SZT2: variants seen among roughly 807,000 people sequenced by gnomAD.
The protein encoded by SZT2 is SZT2 subunit of KICSTOR complex, also known as KICSTOR complex protein SZT2.
Under a neutral mutation model 404.2 loss-of-function variants are expected in SZT2, and 216 were observed. The ratio of observed to expected loss-of-function variants is 0.53; its 90% confidence interval spans 0.48 to 0.60. The LOEUF (loss-of-function observed/expected upper bound fraction) is 0.60, where lower values mean the gene tolerates loss of function less well. Ranked by LOEUF, SZT2 falls within the 20% of genes least tolerant of loss-of-function variation. SZT2 has a pLI of 0.00. For missense variants in SZT2, 3,857 were observed against 4,459.2 expected, an observed-to-expected ratio of 0.86 and a Z score of 3.85; for synonymous variants, 1,693 against 1,749.9, an observed-to-expected ratio of 0.97 and a Z score of 0.81.
chr1:43,439,066 A>G lies in SZT2; in HGVS notation c.6765A>G (p.Thr2255=). The change falls in exon 48 of 72, where the codon ACA becomes ACG. Residue 2255 remains threonine (T), a synonymous_variant. Coordinates refer to ENST00000634258, the MANE Select transcript of SZT2 (RefSeq NM_001365999.1). This position sits in a 1 kb window ranked among gnomAD's most constrained non-coding sequence, Gnocchi z 4.2. The stretch of plus-strand genomic sequence containing the variant: ...TCTTCCTGCACTCTCCCAAGTACAC[A>G]GATAGCAACAGCCGGAACCACTTCC... ...LLIFLHSPKY[T]DSNSRNHFQH... 2 of 1,614,218 alleles carry G rather than the reference A, an allele frequency of 1.2e-6. No individual in the cohort carries two copies. The highest frequency in any genetic ancestry group is 8.5e-7 in the Non-Finnish European group (1 of 1,180,044).
At chr1:43,410,341 A>C (rs1457680841) in intron 4 of SZT2, 1 of 152,132 alleles carries the variant, frequency 6.6e-6, no homozygotes, top group Non-Finnish European at 1.5e-5. Flanking sequence ...TCACGAGGTC[A>C]GGAGTTCAAG....
rs753622828 is a variant in SZT2 at position 43,431,832 on chromosome 1, C to T, written c.5205C>T (p.Thr1735=). 5.6e-6 allele frequency: 9 copies of T among 1,614,108 alleles called. No individual in the cohort carries two copies. Among genetic ancestry groups the T allele is most frequent in the Non-Finnish European group, 7.6e-6 (9 of 1,180,040 alleles). ...AHIHSSPGRS[T]CLRQTLPLSF... ...TCCATAGTTCTCCTGGACGCTCCAC[C>T]TGCCTTCGCCAAACTCTGCCACTGA... Residue 1735 remains threonine (T), a synonymous_variant, in exon 36 of 72, where the codon ACC becomes ACT. Transcript: ENST00000634258.
intron 28 of SZT2, chr1:43,428,815 A>C: frequency 1.1e-5 from 3 of 271,526 alleles, no homozygotes; most frequent in East Asian, 7.5e-5. Flanking sequence ...TCCCCAACCA[A>C]TCTGTGAATT....
At position 43,442,000 on chromosome 1, in the gene SZT2, G is replaced by T; in HGVS notation, c.7743G>T (p.Leu2581Phe). ...TTCTGTCTGTCCTCCCTTTCAATAG[G>T]GGTTCAGAGCCAGAGATCTTCGGCC... ...DTSVRIFEQH[L>F]GSEPEIFGPC... Residue 2581 changes from leucine (L) to phenylalanine (F), a missense_variant and splice_region_variant, in exon 56 of 72, where the codon TTG becomes TTT. Transcript: ENST00000634258. This position sits in a 1 kb window ranked among gnomAD's most constrained non-coding sequence, Gnocchi z 4.8. 6.2e-7 allele frequency: 1 copy of T among 1,611,476 alleles called. No homozygotes were observed. The highest frequency in any genetic ancestry group is 2.2e-5 in the East Asian group (1 of 44,816).
Position 43,448,487 on chromosome 1 carries a change from A to T in SZT2, c.9969+3A>T. 6.2e-7 allele frequency: 1 copy of T among 1,609,060 alleles called. No homozygotes were observed. Among genetic ancestry groups the T allele is most frequent in the Non-Finnish European group, 8.5e-7 (1 of 1,177,462 alleles). ...TTGGGGACATCGACCCCCAGCTGGTAAGGAACTGTGGGCTCCCGAAAGAGC... is the reference window on the plus strand; with the variant it reads ...TTGGGGACATCGACCCCCAGCTGGTTAGGAACTGTGGGCTCCCGAAAGAGC... On this transcript the variant is annotated splice_donor_region_variant and intron_variant, in intron 69 of 71. Transcript: ENST00000634258. The surrounding 1 kb of genome is among the most constrained non-coding windows in gnomAD (Gnocchi z 4.2).
In SZT2 at chr1:43,440,602, G is replaced by A. The variant is rs1654963554; in HGVS notation, c.7344+16G>A. ...GGATATGCTGGTAATGGAAGAAGTG[G>A]TGAAGTGGGCATCTACCTTTCTGCC... On this transcript the variant is annotated intron_variant, in intron 52 of 71. Coordinates refer to ENST00000634258, the MANE Select transcript of SZT2 (RefSeq NM_001365999.1). 4 of 1,564,882 alleles carry A rather than the reference G, an allele frequency of 2.6e-6. No homozygotes were observed. In the African/African-American group the frequency reaches 4.1e-5, roughly 16 times the overall value.
At chr1:43,394,233 G>T (rs1439881779) in intron 1 of SZT2, 3 of 282,170 alleles carry the variant, frequency 1.1e-5, no homozygotes, top group Non-Finnish European at 1.6e-5. Context: ...TTTTGAGATG[G>T]AGTCTTGCTC....
Position 43,452,008 on chromosome 1 carries a change from G to A in SZT2, c.*1528G>A. 1 of 1,607,508 alleles carries A rather than the reference G, an allele frequency of 6.2e-7. No individual in the cohort carries two copies. The highest frequency in any genetic ancestry group is 8.5e-7 in the Non-Finnish European group (1 of 1,175,890). On this transcript the variant is annotated 3_prime_UTR_variant, in exon 72 of 72. Coordinates refer to ENST00000634258, the MANE Select transcript of SZT2 (RefSeq NM_001365999.1). ...TGATGGGCTCCAGCAGTCCCACGAGGTCCTCCTAGCAGCATGTCGGGTGCT... is the reference window on the plus strand; with the variant it reads ...TGATGGGCTCCAGCAGTCCCACGAGATCCTCCTAGCAGCATGTCGGGTGCT...
chr1:43,451,768 C>A lies in SZT2; in HGVS notation c.*1288C>A. 6.2e-7 allele frequency: 1 copy of A among 1,614,036 alleles called. No individual in the cohort carries two copies. Among genetic ancestry groups the A allele is most frequent in the Non-Finnish European group, 8.5e-7 (1 of 1,179,918 alleles). ...AGACCCCGCAGGCCCCGCCCTCCTT[C>A]CGATCTGCGAAGTACCCCCTTCCAC... On this transcript the variant is annotated 3_prime_UTR_variant, in exon 72 of 72. Coordinates refer to ENST00000634258, the MANE Select transcript of SZT2 (RefSeq NM_001365999.1).
rs749314293 is a variant in SZT2, at chr1:43,424,857, A to C, written c.2545A>C (p.Ile849Leu). 6.2e-7 allele frequency: 1 copy of C among 1,613,862 alleles called. No homozygotes were observed. The highest frequency in any genetic ancestry group is 1.3e-5 in the African/African-American group (1 of 74,896). The change falls in exon 17 of 72, where the codon ATT becomes CTT. Residue 849 changes from isoleucine (I) to leucine (L), a missense_variant. Around this residue, in one of 7 missense-constraint regions of SZT2, gnomAD observed 1,725 missense variants for 1,881.0 expected, o/e 0.92. Coordinates refer to ENST00000634258, the MANE Select transcript of SZT2 (RefSeq NM_001365999.1). This position sits in a 1 kb window ranked among gnomAD's most constrained non-coding sequence, Gnocchi z 4.1. ...CATCAACATGGTTCTGGAGCTTCCAATTCAGGTACGTGCCATCCCCCATGA... is the reference window on the plus strand; with the variant it reads ...CATCAACATGGTTCTGGAGCTTCCACTTCAGGTACGTGCCATCCCCCATGA... ...GIINMVLELP[I>L]QNEPPGQAAA...
rs1234147590 is a variant in SZT2, at chr1:43,416,621, G to A, written c.859G>A (p.Val287Met). The A allele has an allele frequency of 6.3e-7, 1 of 1,597,960 alleles. No individual in the cohort carries two copies. The highest frequency in any genetic ancestry group is 1.1e-5 in the South Asian group (1 of 90,884). The change falls in exon 7 of 72, where the codon GTG becomes ATG. Residue 287 changes from valine to methionine, a missense_variant. Around this residue, in one of 7 missense-constraint regions of SZT2, gnomAD observed 536 missense variants for 637.4 expected, o/e 0.84. Coordinates refer to ENST00000634258, the MANE Select transcript of SZT2 (RefSeq NM_001365999.1). Reference sequence around the variant, plus strand: ...GCTGAACCAGCTTCGCAGTGGCACTGTGGCTTGTTCCTTTGTCCAGGTGAG... The same window carrying A: ...GCTGAACCAGCTTCGCAGTGGCACTATGGCTTGTTCCTTTGTCCAGGTGAG... ...TLLNQLRSGT[V>M]ACSFVQVGGV...
In SZT2 at chr1:43,430,425, G is replaced by T. The variant is rs770845833; in HGVS notation, c.4480+36G>T. ...AAGTGAGTCAAGGTGGGGAAGGCTGGCTGCTTCACGCCGAGATTCAAGGGT... is the reference window on the plus strand; with the variant it reads ...AAGTGAGTCAAGGTGGGGAAGGCTGTCTGCTTCACGCCGAGATTCAAGGGT... On this transcript the variant is annotated intron_variant, in intron 31 of 71. Transcript: ENST00000634258. 16 of 1,602,624 alleles carry T rather than the reference G, an allele frequency of 1.0e-5. No homozygotes were observed. In the South Asian group the frequency reaches 1.7e-4, roughly 17 times the overall value.
At chr1:43,435,774 A>G (rs1409634021) in intron 42 of SZT2, 1 of 158,182 alleles carries the variant, frequency 6.3e-6, no homozygotes, top group Non-Finnish European at 1.4e-5. Context: ...TGAAGAATAC[A>G]GAAGAGGAGA....
At chr1:43,397,167 A>G (rs1649092827) in intron 1 of SZT2, among the ~76,000 whole-genome samples, 1 of 152,052 alleles carries the variant, frequency 6.6e-6, no homozygotes, top group Non-Finnish European at 1.5e-5. Flanking sequence ...TGTGGTGGCT[A>G]ACACCTGTAA....
rs1656015132 is a variant in SZT2 at position 43,448,793 on chromosome 1, C to T, written c.10086+65C>T. 1.4e-6 allele frequency: 2 copies of T among 1,469,860 alleles called. No homozygotes were observed. The highest frequency in any genetic ancestry group is 3.3e-5 in the Admixed American group (2 of 59,720). 91.1% of individuals were successfully genotyped at this position (1,469,860 alleles called of 1,614,324 possible). ...CAGAAATCCTCACCAAACAGATGTG[C>T]CCCTCAGCCTGACCAAACAAGCTCT... On this transcript the variant is annotated intron_variant, in intron 70 of 71. Transcript: ENST00000634258. The surrounding 1 kb of genome is among the most constrained non-coding windows in gnomAD (Gnocchi z 4.2).
rs770625810 is a variant in SZT2, at chr1:43,427,730, T to C, written c.3799T>C (p.Phe1267Leu). 1 of 1,613,074 alleles carries C rather than the reference T, an allele frequency of 6.2e-7. No homozygotes were observed. Among genetic ancestry groups the C allele is most frequent in the African/African-American group, 1.3e-5 (1 of 75,014 alleles). The change falls in exon 26 of 72, where the codon TTC becomes CTC. Residue 1267 changes from phenylalanine to leucine, a missense_variant. Phe to Leu is a conservative substitution (Grantham distance 22, BLOSUM62 0). Transcript: ENST00000634258. ...QPPQAPRDLI[F>L]RTQFLDHPSP... ...CCCTCAGGCGCCCCGAGACCTCATC[T>C]TCCGGTGAGTGCCTTCAGTGTTGAC...
chr1:43,431,408 C>A, intron 34 of SZT2, 36 bp downstream of exon 34: 8 of 1,613,298 alleles, frequency 5.0e-6, no homozygotes, highest in Non-Finnish European at 5.1e-6. Flanking sequence ...TTCATTACTG[C>A]TTTTCAATTT....
chr1:43,442,941 C>T lies in SZT2; in HGVS notation c.8274C>T (p.Pro2758=), dbSNP rs757125806. ...SGSSRGGGPL[P]LDTFPFDEAL... ...CCTCTCGTGGTGGGGGTCCTCTTCCCCTGGACACATTCCCCTTTGACGAGG... is the reference window on the plus strand; with the variant it reads ...CCTCTCGTGGTGGGGGTCCTCTTCCTCTGGACACATTCCCCTTTGACGAGG... The change falls in exon 59 of 72, where the codon CCC becomes CCT. Residue 2758 remains proline, a synonymous_variant. Coordinates refer to ENST00000634258, the MANE Select transcript of SZT2 (RefSeq NM_001365999.1). This position sits in a 1 kb window ranked among gnomAD's most constrained non-coding sequence, Gnocchi z 4.5. 6.8e-6 allele frequency: 11 copies of T among 1,614,126 alleles called. No individual in the cohort carries two copies. In the African/African-American group the frequency reaches 1.2e-4, roughly 18 times the overall value.
Position 43,453,241 on chromosome 1 carries a change from C to A in SZT2, c.*2761C>A, listed in dbSNP as rs1230429909. ...CATAAGACAGATAAAATACAAAAGG[C>A]AATTTACAAAGGACCAGGACCGCAG... On this transcript the variant is annotated 3_prime_UTR_variant, in exon 72 of 72. Transcript: ENST00000634258. The A allele has an allele frequency of 3.1e-6, 2 of 648,390 alleles. No individual in the cohort carries two copies. The highest frequency in any genetic ancestry group is 1.9e-5 in the South Asian group (1 of 52,394). 40.2% of individuals were successfully genotyped at this position (648,390 alleles called of 1,614,324 possible). A position where few individuals can be genotyped will look rare whatever the true frequency, so the allele number is the denominator to read the frequency against.
Sources: allele counts gnomAD v4.1 joint callset (sites outside exome capture counted in the v4.1 genomes callset), GRCh38; gene constraint gnomAD v4.1.1; regional missense constraint gnomAD v4.1.1; non-coding constraint Gnocchi (gnomAD v3.1); transcripts MANE v1.5; gene names NCBI Gene and HGNC (gene_info 2026-07-23, HGNC 2026-07-21).